RERE: variants seen among roughly 807,000 people sequenced by gnomAD.
RERE encodes the protein arginine-glutamic acid dipeptide repeats.
A neutral mutation model predicts 146.1 loss-of-function variants in RERE; 40 were observed. That is an observed-to-expected ratio of 0.27 (90% confidence interval 0.21 to 0.36). The LOEUF is 0.36. Among genes scored for constraint, RERE ranks in the 10% least tolerant of loss-of-function variants. The pLI is 1.00. For missense variants in RERE, 1,933 were observed against 2,138.7 expected (o/e 0.90, Z 1.90); for synonymous variants, 1,003 against 866.0 (o/e 1.16, Z -2.78).
chr1:8,405,620 T>A (rs537930503), intron 12 of RERE, among the ~76,000 whole-genome samples: 2 of 152,336 alleles, frequency 1.3e-5, no homozygotes, highest in East Asian at 3.9e-4. Context: ...AGTGGCCATC[T>A]CTTAGTGATG....
At chr1:8,357,472 G>C (rs955797884) in intron 20 of RERE, among the ~76,000 whole-genome samples, 6 of 152,220 alleles carry the variant, frequency 3.9e-5, no homozygotes, top group Non-Finnish European at 5.9e-5. Flanking sequence ...CACACTGGAG[G>C]GTGGCCAGTG....
chr1:8,703,266 G>C (rs1459872335), intron 1 of RERE: 1 of 149,718 alleles, frequency 6.7e-6, no homozygotes, highest in African/African-American at 2.4e-5. Flanking sequence ...TGGCGGCTCC[G>C]GGAGGCGGTG....
intron 12 of RERE, among the ~76,000 whole-genome samples, chr1:8,413,311 T>G (rs769893740): frequency 6.5e-4 from 99 of 152,278 alleles, no homozygotes; most frequent in Non-Finnish European, 8.1e-4. Context: ...CAGAGTCAAG[T>G]CCAAGAATAA....
At chr1:8,614,175 G>C (rs1276347944) in intron 4 of RERE, among the ~76,000 whole-genome samples, 1 of 152,270 alleles carries the variant, frequency 6.6e-6, no homozygotes, top group East Asian at 1.9e-4. Context: ...AAATAGTTTA[G>C]ATTGGTGGGC....
At chr1:8,577,223 T>A (rs1410141238) in intron 4 of RERE, among the ~76,000 whole-genome samples, 1 of 152,186 alleles carries the variant, frequency 6.6e-6, no homozygotes, top group Admixed American at 6.5e-5. Flanking sequence ...TTTGTTTTTT[T>A]AAATTATATA....
At chr1:8,586,176 A>G (rs1646425450) in intron 4 of RERE, among the ~76,000 whole-genome samples, 1 of 152,244 alleles carries the variant, frequency 6.6e-6, no homozygotes, top group African/African-American at 2.4e-5. Context: ...AAAGTAAAGC[A>G]ACGCAGCGAG....
chr1:8,510,679 A>C (rs1645323725), intron 7 of RERE, among the ~76,000 whole-genome samples: 1 of 152,198 alleles, frequency 6.6e-6, no homozygotes, highest in Non-Finnish European at 1.5e-5. Flanking sequence ...TGTGAGCAAA[A>C]CAAGCTGCCA....
intron 12 of RERE, among the ~76,000 whole-genome samples, chr1:8,420,317 A>T (rs1451323638): frequency 6.6e-6 from 1 of 152,144 alleles, no homozygotes; most frequent in East Asian, 1.9e-4. Context: ...AGAAAGAGAG[A>T]GAGAATGTGA....
chr1:8,574,131 T>C (rs1288719994), intron 4 of RERE, among the ~76,000 whole-genome samples: 2 of 152,100 alleles, frequency 1.3e-5, no homozygotes, highest in African/African-American at 4.8e-5. Context: ...CATTAATAAT[T>C]CACTGCAAAA....
chr1:8,548,475 T>C (rs989537479), intron 6 of RERE, among the ~76,000 whole-genome samples: 1 of 152,032 alleles, frequency 6.6e-6, no homozygotes, highest in Non-Finnish European at 1.5e-5. Flanking sequence ...AGAACAGAAC[T>C]GACCTAAGTA....
intron 9 of RERE, 139 bp from the exon 10 acceptor site, chr1:8,495,301 C>G (rs894890113): frequency 3.6e-5 from 20 of 560,678 alleles, no homozygotes; most frequent in Non-Finnish European, 6.3e-5. Flanking sequence ...CCCAGCTCTG[C>G]CTCTGCTCCT....
Position 8,512,328 on chromosome 1 carries a change from C to T in RERE, c.831-3653G>A, listed in dbSNP as rs549949066. On this transcript the variant is annotated intron_variant, in intron 7 of 22. Coordinates refer to ENST00000400908, the MANE Select transcript of RERE (RefSeq NM_001042681.2). The stretch of plus-strand genomic sequence containing the variant: ...GATTACAGGCGTGAGCCACCGCGCC[C>T]GGCCAGGAAACACTCTTAATCATCA... Among the ~76,000 whole-genome samples, 7 of 152,194 alleles carry T rather than the reference C, an allele frequency of 4.6e-5. No homozygotes were observed. In the East Asian group the frequency reaches 1.2e-3, roughly 25 times the overall value.
intron 1 of RERE, among the ~76,000 whole-genome samples, chr1:8,784,015 G>A (rs1315283418): frequency 6.6e-6 from 1 of 152,092 alleles, no homozygotes; most frequent in African/African-American, 2.4e-5. Flanking sequence ...CAGACTTCTG[G>A]CCTCCACAAC....
rs533493416 is a variant in RERE, at chr1:8,470,178, T to C, written c.1105-4155A>G. The stretch of plus-strand genomic sequence containing the variant: ...GAGTTTCCCATGTTATCAGTAAGTA[T>C]TGAGAGTCCCTACCCGTCCTCACCC... On this transcript the variant is annotated intron_variant, in intron 10 of 22. Coordinates refer to ENST00000400908, the MANE Select transcript of RERE (RefSeq NM_001042681.2). Among the ~76,000 whole-genome samples, 13 of 152,302 alleles carry C rather than the reference T, an allele frequency of 8.5e-5. No homozygotes were observed. In the South Asian group the frequency reaches 2.5e-3, roughly 29 times the overall value.
At chr1:8,656,503 T>C in intron 1 of RERE, 62 bp from the exon 2 acceptor site, 1 of 670,182 alleles carries the variant, frequency 1.5e-6, no homozygotes, top group Non-Finnish European at 2.4e-6. Context: ...AATAATGTTT[T>C]GTTAAATGAA....
intron 6 of RERE, among the ~76,000 whole-genome samples, chr1:8,548,333 G>GTCCA (rs1645892216): frequency 6.6e-6 from 1 of 152,102 alleles, no homozygotes; most frequent in South Asian, 2.1e-4. Context: ...CACAGCAATA[G>GTCCA]TCCACATGCT....
intron 1 of RERE, among the ~76,000 whole-genome samples, chr1:8,689,503 C>A (rs1445255590): frequency 6.6e-6 from 1 of 152,178 alleles, no homozygotes; most frequent in Non-Finnish European, 1.5e-5. Flanking sequence ...TATCACATTT[C>A]TTAGAGTTAT....
In RERE at chr1:8,361,050, A is replaced by G; in HGVS notation, c.2457T>C (p.His819=). Residue 819 remains histidine, a synonymous_variant, in exon 18 of 23, where the codon CAT becomes CAC. Coordinates refer to ENST00000400908, the MANE Select transcript of RERE (RefSeq NM_001042681.2). ...GCTGCAGCGGGGGATGTGGCGAGGG[A>G]TGCGGCGGGGGATGCGGTGAGGGCG... The part of the protein sequence containing the change: ...QRPPSPHPPP[H]PSPHPPLQPL... 1 of 1,434,032 alleles carries G rather than the reference A, an allele frequency of 7.0e-7. No homozygotes were observed. The highest frequency in any genetic ancestry group is 9.1e-7 in the Non-Finnish European group (1 of 1,099,318). 88.8% of individuals were successfully genotyped at this position (1,434,032 alleles called of 1,614,324 possible). A position where few individuals can be genotyped will look rare whatever the true frequency, so the allele number is the denominator to read the frequency against.
At chr1:8,737,660 T>C (rs1640228438) in intron 1 of RERE, among the ~76,000 whole-genome samples, 1 of 152,058 alleles carries the variant, frequency 6.6e-6, no homozygotes, top group Non-Finnish European at 1.5e-5. Flanking sequence ...GGTCTCCAAC[T>C]CCTGGGCTCA....
Sources: allele counts gnomAD v4.1 joint callset (sites outside exome capture counted in the v4.1 genomes callset), GRCh38; gene constraint gnomAD v4.1.1; transcripts MANE v1.5; gene names NCBI Gene and HGNC (gene_info 2026-07-23, HGNC 2026-07-21).